Variants in NCOA1 observed in about 807,000 individuals in gnomAD.
The protein encoded by NCOA1 is Hin-2 protein.
NCOA1 carries 35 observed loss-of-function variants against 150.9 expected under a neutral mutation model. The observed-to-expected ratio is 0.23, with a 90% CI of 0.18 to 0.31. NCOA1 has a LOEUF of 0.31. NCOA1 is among the 10% of genes least tolerant of loss of function. The probability of loss-of-function intolerance (pLI) is 1.00; values close to 1 mark genes in which losing one functional copy is unlikely to be tolerated. For missense variants in NCOA1, 1,491 were observed against 1,749.3 expected (o/e 0.85, Z 2.63); for synonymous variants, 590 against 630.0 (o/e 0.94, Z 0.95).
intron 3 of NCOA1, among the ~76,000 whole-genome samples, chr2:24,591,653 G>A: frequency 6.6e-6 from 1 of 152,180 alleles, no homozygotes; most frequent in East Asian, 1.9e-4. Flanking sequence ...AATATGCCAA[G>A]CTCCCCAGTT....
intron 3 of NCOA1, among the ~76,000 whole-genome samples, chr2:24,610,672 T>G (rs1000713274): frequency 2.8e-4 from 42 of 151,858 alleles, no homozygotes; most frequent in African/African-American, 8.9e-4. Context: ...TATTCTATAT[T>G]TGATAATTCT....
intron 11 of NCOA1, among the ~76,000 whole-genome samples, chr2:24,703,126 C>A (rs1449263331): frequency 1.3e-5 from 2 of 152,164 alleles, no homozygotes; most frequent in African/African-American, 2.4e-5. Flanking sequence ...TATTATCTTA[C>A]AATGTTGTTG....
chr2:24,666,171 C>G (rs1029052471), intron 6 of NCOA1, among the ~76,000 whole-genome samples: 21 of 151,702 alleles, frequency 1.4e-4, no homozygotes, highest in Non-Finnish European at 2.7e-4. Context: ...GCCACTATAC[C>G]TGGCTGATCT....
intron 15 of NCOA1, 47 bp from the exon 16 acceptor site, chr2:24,728,261 T>G: frequency 6.6e-7 from 1 of 1,524,842 alleles, no homozygotes; most frequent in Non-Finnish European, 8.9e-7. Context: ...ATTGAATAAA[T>G]TATTTGCTAT....
intron 17 of NCOA1, among the ~76,000 whole-genome samples, chr2:24,732,906 C>T (rs571220292): frequency 1.4e-4 from 21 of 150,724 alleles, no homozygotes; most frequent in African/African-American, 4.2e-4. Flanking sequence ...CCCCATCCCC[C>T]GCCAAAAAAA....
At chr2:24,666,915 G>A (rs892513916) in intron 6 of NCOA1, among the ~76,000 whole-genome samples, 1 of 152,030 alleles carries the variant, frequency 6.6e-6, no homozygotes, top group Non-Finnish European at 1.5e-5. Context: ...AAACTCCTTG[G>A]TTGCCTACCA....
chr2:24,599,585 A>G (rs1668022346), intron 3 of NCOA1, among the ~76,000 whole-genome samples: 1 of 152,194 alleles, frequency 6.6e-6, no homozygotes, highest in Non-Finnish European at 1.5e-5. Context: ...AGTGGGACAA[A>G]TAGGGAAGCA....
chr2:24,707,669 A>C lies in NCOA1; in HGVS notation c.2199A>C (p.Leu733=), dbSNP rs756267849. 6.2e-6 allele frequency: 10 copies of C among 1,614,202 alleles called. No individual in the cohort carries two copies. Among genetic ancestry groups the C allele is most frequent in the Non-Finnish European group, 8.5e-6 (10 of 1,180,010 alleles). The change falls in exon 13 of 23, where the codon CTA becomes CTC. Residue 733 remains leucine (L), a synonymous_variant. Transcript: ENST00000348332. ...TACAAGGAAACTCCAGTATAAAACT[A>C]GAACTGGATGCTTCAAAGAAAAAAG... is the stretch of plus-strand genomic sequence containing the variant. ...GQVQGNSSIK[L]ELDASKKKES...
At chr2:24,505,663 T>A (rs1663663155) in intron 1 of NCOA1, among the ~76,000 whole-genome samples, 1 of 152,136 alleles carries the variant, frequency 6.6e-6, no homozygotes. Context: ...TTCTTTTTAA[T>A]TTTTTTAGGT....
chr2:24,679,321 G>A (rs1672059520), intron 7 of NCOA1, among the ~76,000 whole-genome samples: 1 of 152,096 alleles, frequency 6.6e-6, no homozygotes, highest in Admixed American at 6.5e-5. Flanking sequence ...ACATATGAGG[G>A]AAACTTGTAG....
At chr2:24,689,164 G>T (rs555449094) in intron 8 of NCOA1, among the ~76,000 whole-genome samples, 1 of 152,190 alleles carries the variant, frequency 6.6e-6, no homozygotes, top group East Asian at 1.9e-4. Flanking sequence ...GATGCCCCCA[G>T]CTTTGTTCTT....
chr2:24,678,072 T>C (rs893760456), intron 7 of NCOA1, among the ~76,000 whole-genome samples: 5 of 152,082 alleles, frequency 3.3e-5, no homozygotes, highest in African/African-American at 4.8e-5. Context: ...TGTGTGTTGT[T>C]CCCTCTGCCA....
chr2:24,758,571 TCCTCCTATCCCAG>T (rs1664616770), intron 21 of NCOA1, among the ~76,000 whole-genome samples: 1 of 151,976 alleles, frequency 6.6e-6, no homozygotes, highest in Non-Finnish European at 1.5e-5. Flanking sequence ...GCTCAAGCAA[TCCTCCTATCCCAG>T]CCTCCCAAAG....
intron 17 of NCOA1, 128 bp from the exon 18 acceptor site, chr2:24,739,304 G>T: frequency 1.5e-6 from 1 of 652,536 alleles, no homozygotes; most frequent in East Asian, 2.7e-5. Context: ...AATAAACATA[G>T]GAAATAATCT....
chr2:24,755,020 A>G (rs1664427648), intron 20 of NCOA1, among the ~76,000 whole-genome samples: 1 of 152,224 alleles, frequency 6.6e-6, no homozygotes, highest in Admixed American at 6.5e-5. Context: ...CTTATTAGTC[A>G]TCATAAGCCT....
intron 11 of NCOA1, among the ~76,000 whole-genome samples, chr2:24,703,579 G>A (rs1673269336): frequency 6.6e-6 from 1 of 152,166 alleles, no homozygotes; most frequent in Non-Finnish European, 1.5e-5. Flanking sequence ...TGATTTAGCT[G>A]AAATTGCCAG....
At chr2:24,720,734 C>A (rs1271690034) in intron 14 of NCOA1, among the ~76,000 whole-genome samples, 3 of 152,072 alleles carry the variant, frequency 2.0e-5, no homozygotes, top group African/African-American at 7.2e-5. Flanking sequence ...AAGATGGGAA[C>A]AAAAATATGA....
In NCOA1 at chr2:24,650,194, A is replaced by G. The variant is rs966544739; in HGVS notation, c.-18+6072A>G. ...TGGGCCAAGGATAACTACCATCTCAATTTGGGCCCTGGCATTGTGGATTTT... is the reference window on the plus strand; with the variant it reads ...TGGGCCAAGGATAACTACCATCTCAGTTTGGGCCCTGGCATTGTGGATTTT... On this transcript the variant is annotated intron_variant, in intron 4 of 22. Transcript: ENST00000348332. 2.0e-5 allele frequency among the ~76,000 whole-genome samples: 3 copies of G among 152,090 alleles called. 1 individual carries two copies. Among genetic ancestry groups the G allele is most frequent in the Non-Finnish European group, 2.9e-5 (2 of 68,006 alleles).
chr2:24,737,107 T>A (rs1663350729), intron 17 of NCOA1, among the ~76,000 whole-genome samples: 1 of 152,212 alleles, frequency 6.6e-6, no homozygotes, highest in African/African-American at 2.4e-5. Context: ...GACTAACAAC[T>A]AATCTCCTCC....
Sources: gnomAD v4.1 joint callset for allele counts (sites outside exome capture counted in the v4.1 genomes callset) on GRCh38, gnomAD v4.1.1 for gene constraint, MANE v1.5 for transcripts, NCBI Gene and HGNC (gene_info 2026-07-23, HGNC 2026-07-21) for gene names.